The following ZNF804B variants were observed in gnomAD, a reference collection of about 807,000 sequenced individuals.
ZNF804B encodes the protein zinc finger 804B.
A neutral mutation model predicts 101.4 loss-of-function variants in ZNF804B; 80 were observed. The observed-to-expected ratio is 0.79, with a 90% confidence interval of 0.66 to 0.95. ZNF804B has a LOEUF of 0.95. ZNF804B is among the 40% of genes least tolerant of loss of function. The pLI, the probability that ZNF804B is intolerant of heterozygous loss-of-function variation, is 0.00. For synonymous variants in ZNF804B, 622 were observed against 558.8 expected (o/e 1.11, Z -1.59); for missense variants, 1,673 against 1,561.9 (o/e 1.07, Z -1.20).
chr7:88,881,241 C>A (rs1490333741), intron 1 of ZNF804B, among the ~76,000 whole-genome samples: 2 of 151,948 alleles, frequency 1.3e-5, no homozygotes, highest in African/African-American at 4.8e-5. Context: ...CTTTATTTTG[C>A]CATCCAAATA....
At chr7:89,143,153 G>T (rs2116395407) in intron 1 of ZNF804B, among the ~76,000 whole-genome samples, 1 of 151,898 alleles carries the variant, frequency 6.6e-6, no homozygotes, top group South Asian at 2.1e-4. Flanking sequence ...AATTTGTTAA[G>T]AAAAGCCAAG....
At chr7:89,058,412 C>A (rs976705215) in intron 1 of ZNF804B, among the ~76,000 whole-genome samples, 1 of 150,960 alleles carries the variant, frequency 6.6e-6, no homozygotes, top group African/African-American at 2.4e-5. Context: ...GATATTATCA[C>A]TATAAAAAGA....
At chr7:88,947,242 A>G (rs1035989842) in intron 1 of ZNF804B, among the ~76,000 whole-genome samples, 1 of 152,066 alleles carries the variant, frequency 6.6e-6, no homozygotes, top group Non-Finnish European at 1.5e-5. Context: ...ACTGTTCACA[A>G]TAGCAAAGAC....
chr7:89,216,222 G>T (rs148689224), intron 1 of ZNF804B, among the ~76,000 whole-genome samples: 7 of 152,044 alleles, frequency 4.6e-5, no homozygotes, highest in Non-Finnish European at 1.5e-5. Context: ...CGGGAGAATC[G>T]CTTGAACTCC....
chr7:89,337,044 G>A lies in ZNF804B; in HGVS notation c.*12G>A, dbSNP rs1791108913. Reference sequence around the variant, plus strand: ...CACACTTGAACTAATAAGTGTTAAAGCCCCTCCTGTGGATAATTTTTTTAA... The same window carrying A: ...CACACTTGAACTAATAAGTGTTAAAACCCCTCCTGTGGATAATTTTTTTAA... On this transcript the variant is annotated 3_prime_UTR_variant, in exon 4 of 4. Coordinates refer to ENST00000333190, the MANE Select transcript of ZNF804B (RefSeq NM_181646.5). The A allele has an allele frequency of 1.3e-6, 2 of 1,598,682 alleles. No individual in the cohort carries two copies. Among genetic ancestry groups the A allele is most frequent in the Non-Finnish European group, 1.7e-6 (2 of 1,170,594 alleles).
At chr7:88,791,470 C>T (rs1404329545) in intron 1 of ZNF804B, among the ~76,000 whole-genome samples, 1 of 152,062 alleles carries the variant, frequency 6.6e-6, no homozygotes, top group East Asian at 1.9e-4. Flanking sequence ...GCAATTTTAT[C>T]GTTGAGAGAT....
At chr7:89,325,368 C>T (rs1295314798) in intron 2 of ZNF804B, among the ~76,000 whole-genome samples, 1 of 151,964 alleles carries the variant, frequency 6.6e-6, no homozygotes, top group African/African-American at 2.4e-5. Context: ...TTCCAAAGCA[C>T]ATTGTGTACA....
intron 1 of ZNF804B, among the ~76,000 whole-genome samples, chr7:89,125,918 G>GTAGGGCACTCAAGAAGA (rs1790469188): frequency 6.6e-6 from 1 of 152,046 alleles, no homozygotes. Flanking sequence ...GCTCAAGACT[G>GTAGGGCACTCAAGAAGA]TAGGGCACTC....
intron 1 of ZNF804B, among the ~76,000 whole-genome samples, chr7:89,061,332 T>A (rs1789375975): frequency 6.6e-6 from 1 of 152,050 alleles, no homozygotes; most frequent in African/African-American, 2.4e-5. Flanking sequence ...ACTTCAGCAT[T>A]TGGGATTATG....
chr7:88,807,272 GT>G (rs1199147985), intron 1 of ZNF804B, among the ~76,000 whole-genome samples: 4 of 151,912 alleles, frequency 2.6e-5, no homozygotes, highest in African/African-American at 9.7e-5. Context: ...CTATTTAATA[GT>G]TAAGCATTTT....
intron 1 of ZNF804B, among the ~76,000 whole-genome samples, chr7:88,942,455 A>G (rs1422477832): frequency 1.3e-5 from 2 of 151,620 alleles, no homozygotes; most frequent in Admixed American, 6.6e-5. Flanking sequence ...GTAGAGTGGA[A>G]TAGAGTGAAG....
intron 1 of ZNF804B, among the ~76,000 whole-genome samples, chr7:88,776,298 G>T (rs1383528310): frequency 6.6e-6 from 1 of 152,176 alleles, no homozygotes; most frequent in Non-Finnish European, 1.5e-5. Flanking sequence ...TAAAATTGTT[G>T]TATCAAATTG....
At chr7:88,994,975 G>C (rs149753898) in intron 1 of ZNF804B, among the ~76,000 whole-genome samples, 3 of 152,130 alleles carry the variant, frequency 2.0e-5, no homozygotes, top group East Asian at 3.9e-4. Context: ...AACATCAGAT[G>C]GTCTGGGCTA....
In ZNF804B at chr7:89,335,974, C is replaced by T; in HGVS notation, c.2992C>T (p.Pro998Ser). 1 of 1,613,948 alleles carries T rather than the reference C, an allele frequency of 6.2e-7. No homozygotes were observed. Residue 998 changes from proline to serine, a missense_variant, in exon 4 of 4, where the codon CCA (proline) becomes TCA (serine). Coordinates refer to ENST00000333190, the MANE Select transcript of ZNF804B (RefSeq NM_181646.5). ...CAGAAATGATCAAGACAGTGCAATT[C>T]CAAGGACTACGGAGAAAGACAAAAG... ...ESRNDQDSAI[P>S]RTTEKDKSKS...
chr7:88,961,820 T>G (rs1793389164), intron 1 of ZNF804B, among the ~76,000 whole-genome samples: 1 of 151,324 alleles, frequency 6.6e-6, no homozygotes, highest in Non-Finnish European at 1.5e-5. Context: ...AAAGGCATTT[T>G]AAATTAATGG....
At chr7:89,147,576 C>G (rs1042773259) in intron 1 of ZNF804B, among the ~76,000 whole-genome samples, 21 of 151,972 alleles carry the variant, frequency 1.4e-4, no homozygotes, top group African/African-American at 4.6e-4. Flanking sequence ...TCCCCATGCC[C>G]TGGGCTGCTA....
rs144267574 is a variant in ZNF804B, at chr7:88,817,254, A to T, written c.108+57170A>T. Reference sequence around the variant, plus strand: ...TGTGGGATGGGGGGATGGGGGAGGGATAGCATTGGGAGATATACTTAATGT... The same window carrying T: ...TGTGGGATGGGGGGATGGGGGAGGGTTAGCATTGGGAGATATACTTAATGT... On this transcript the variant is annotated intron_variant, in intron 1 of 3. Transcript: ENST00000333190. Among the ~76,000 whole-genome samples, 909 of 152,248 alleles carry T rather than the reference A, an allele frequency of 6.0e-3. 6 individuals are homozygous for T. The highest frequency in any genetic ancestry group is 0.02 in the African/African-American group (838 of 41,546).
rs769017697 is a variant in ZNF804B at position 89,335,820 on chromosome 7, CT to C, written c.2839del (p.Ser947LeufsTer9). 1 of 1,614,036 alleles carries C rather than the reference CT, an allele frequency of 6.2e-7. No homozygotes were observed. Among genetic ancestry groups the C allele is most frequent in the Non-Finnish European group, 8.5e-7 (1 of 1,179,968 alleles). On this transcript the variant is annotated frameshift_variant, in exon 4 of 4. Coordinates refer to ENST00000333190, the MANE Select transcript of ZNF804B (RefSeq NM_181646.5). LOFTEE classifies it high-confidence loss of function. ...CQEQSSNVEI[S>X]SNSCKSELEA... ...AAGAACAATCAAGTAATGTTGAGAT[CT>C]CTTCAAACAGTTGTAAAAGTGAATT...
rs750196062 is a variant in ZNF804B at position 89,335,351 on chromosome 7, C to T, written c.2369C>T (p.Ser790Leu). ...GAGAGGAACTGCAAATTGTGGGAAT[C>T]ATTTAAAAATGAAAAATACTCAAAA... ...QKERNCKLWESFKNEKYSKRR... is the reference protein window; with the variant it reads ...QKERNCKLWELFKNEKYSKRR... Residue 790 changes from serine to leucine, a missense_variant, in exon 4 of 4, where the codon TCA becomes TTA. Transcript: ENST00000333190. The T allele has an allele frequency of 6.1e-5, 98 of 1,613,462 alleles. No homozygotes were observed. The Middle Eastern group carries it at 8.2e-4, about 14-fold the overall frequency.
Sources: allele counts gnomAD v4.1 joint callset (sites outside exome capture counted in the v4.1 genomes callset), GRCh38; gene constraint gnomAD v4.1.1; transcripts MANE v1.5; gene names NCBI Gene and HGNC (gene_info 2026-07-23, HGNC 2026-07-21).